SLC44A1: variants seen among roughly 807,000 people sequenced by gnomAD.
The protein encoded by SLC44A1 is choline transporter-like protein 1.
Under a neutral mutation model 79.3 loss-of-function variants are expected in SLC44A1, and 26 were observed. The ratio of observed to expected loss-of-function variants is 0.33; its 90% confidence interval spans 0.24 to 0.46. The LOEUF is 0.46. Among genes scored for constraint, SLC44A1 ranks in the 20% least tolerant of loss-of-function variants. The pLI, the probability that SLC44A1 is intolerant of heterozygous loss-of-function variation, is 1.00. For missense variants in SLC44A1, 688 were observed against 798.1 expected (o/e 0.86, Z 1.66); for synonymous variants, 263 against 286.2 (o/e 0.92, Z 0.82).
intron 1 of SLC44A1, among the ~76,000 whole-genome samples, chr9:105,263,512 AT>A (rs1829887076): frequency 6.9e-6 from 1 of 145,394 alleles, no homozygotes; most frequent in Admixed American, 6.9e-5. Context: ...TGTAATTTTT[AT>A]TTTTATCAGT....
intron 1 of SLC44A1, among the ~76,000 whole-genome samples, chr9:105,288,707 T>C (rs1313739232): frequency 6.6e-6 from 1 of 152,244 alleles, no homozygotes; most frequent in Non-Finnish European, 1.5e-5. Flanking sequence ...CAAATTACTT[T>C]CTAAAAGTGG....
intron 15 of SLC44A1, among the ~76,000 whole-genome samples, chr9:105,436,858 C>A (rs2131530367): frequency 6.6e-6 from 1 of 152,238 alleles, no homozygotes; most frequent in South Asian, 2.1e-4. Context: ...ATTCTTAGTG[C>A]CACATGTGAC....
intron 3 of SLC44A1, among the ~76,000 whole-genome samples, chr9:105,322,380 C>T (rs1826420764): frequency 6.6e-6 from 1 of 152,030 alleles, no homozygotes; most frequent in African/African-American, 2.4e-5. Flanking sequence ...TCAAAAGAAG[C>T]CGGAAGTCTG....
At chr9:105,267,555 TTG>T (rs926774182) in intron 1 of SLC44A1, among the ~76,000 whole-genome samples, 3 of 152,234 alleles carry the variant, frequency 2.0e-5, no homozygotes, top group African/African-American at 7.2e-5. Flanking sequence ...AGTATTTCTA[TTG>T]TGTTTTTATT....
At chr9:105,306,522 T>C (rs1190082739) in intron 2 of SLC44A1, among the ~76,000 whole-genome samples, 1 of 151,912 alleles carries the variant, frequency 6.6e-6, no homozygotes, top group Non-Finnish European at 1.5e-5. Context: ...CATGGTTTTT[T>C]CCCATCTTAT....
downstream of SLC44A1, among the ~76,000 whole-genome samples, chr9:105,400,554 T>G (rs1046381427): frequency 4.6e-5 from 7 of 152,144 alleles, no homozygotes; most frequent in Non-Finnish European, 1.0e-4. Flanking sequence ...GGCCAATTGT[T>G]GACATAGGTA....
chr9:105,265,512 A>G (rs1829941494), intron 1 of SLC44A1, among the ~76,000 whole-genome samples: 1 of 152,244 alleles, frequency 6.6e-6, no homozygotes, highest in South Asian at 2.1e-4. Context: ...ATATGAATAT[A>G]TCATAGTTTA....
At chr9:105,424,119 A>G (rs1342700145) in intron 15 of SLC44A1, among the ~76,000 whole-genome samples, 1 of 152,174 alleles carries the variant, frequency 6.6e-6, no homozygotes, top group African/African-American at 2.4e-5. Flanking sequence ...ATTAGATGCA[A>G]TCAGTACAAT....
rs1828748282 is a variant in SLC44A1, at chr9:105,390,860, A to G, written c.*1804A>G. On this transcript the variant is annotated 3_prime_UTR_variant, in exon 16 of 16. Transcript: ENST00000374720. Reference sequence around the variant, plus strand: ...CAACATTGCGAGAGTAGCTATTTTGAAAGAATAATTCTCCAGAAGTTAACA... The same window carrying G: ...CAACATTGCGAGAGTAGCTATTTTGGAAGAATAATTCTCCAGAAGTTAACA... The G allele has an allele frequency of 1.0e-6, 1 of 985,586 alleles. No individual in the cohort carries two copies. The highest frequency in any genetic ancestry group is 1.7e-5 in the African/African-American group (1 of 57,224). The allele number at this position is 985,586 out of a possible 1,614,324, so 61.1% of individuals were successfully genotyped here. A position where few individuals can be genotyped will look rare whatever the true frequency, so the allele number is the denominator to read the frequency against.
Position 105,393,682 on chromosome 9 carries a change from G to C in SLC44A1, c.*4626G>C, listed in dbSNP as rs1214849502. On this transcript the variant is annotated 3_prime_UTR_variant, in exon 16 of 16. Transcript: ENST00000374720. ...ACATGTAAAGACAAATGATGATTCA[G>C]TTTCAATATTGCATGAACAATTGCC... 3.0e-6 allele frequency: 3 copies of C among 984,404 alleles called. 1 individual carries two copies. Among genetic ancestry groups the C allele is most frequent in the African/African-American group, 1.7e-5 (1 of 57,202 alleles). The allele number at this position is 984,404 out of a possible 1,614,324, so 61.0% of individuals were successfully genotyped here. A position where few individuals can be genotyped will look rare whatever the true frequency, so the allele number is the denominator to read the frequency against.
intron 13 of SLC44A1, among the ~76,000 whole-genome samples, chr9:105,375,699 A>G (rs960730471): frequency 6.6e-6 from 1 of 152,182 alleles, no homozygotes; most frequent in Non-Finnish European, 1.5e-5. Flanking sequence ...CGAGACTTAT[A>G]CTTTCCTTAG....
Position 105,362,806 on chromosome 9 carries a change from A to G in SLC44A1, c.901-15A>G. ...ACTACTTATAATAATAACTGAAACC[A>G]TTCTCTCCATACAGGTGATCTTATT... On this transcript the variant is annotated splice_polypyrimidine_tract_variant and intron_variant, in intron 8 of 15. Coordinates refer to ENST00000374720, the MANE Select transcript of SLC44A1 (RefSeq NM_080546.5). 6.5e-7 allele frequency: 1 copy of G among 1,527,694 alleles called. No homozygotes were observed. Among genetic ancestry groups the G allele is most frequent in the Non-Finnish European group, 8.8e-7 (1 of 1,138,370 alleles). 94.6% of individuals were successfully genotyped at this position (1,527,694 alleles called of 1,614,324 possible).
chr9:105,368,015 G>C (rs185667228), intron 12 of SLC44A1, among the ~76,000 whole-genome samples: 112 of 152,234 alleles, frequency 7.4e-4, no homozygotes, highest in African/African-American at 2.6e-3. Flanking sequence ...GACTCAAAAA[G>C]ACTAACAGGG....
intron 1 of SLC44A1, among the ~76,000 whole-genome samples, chr9:105,264,348 G>A (rs115648828): frequency 0.01 from 1,543 of 152,162 alleles, 27 homozygotes; most frequent in African/African-American, 0.035. Context: ...AAATTATTTT[G>A]TAGAGATGAG....
exon 16 of SLC44A1, chr9:105,438,482 T>C: frequency 1.9e-6 from 1 of 518,336 alleles, no homozygotes; most frequent in South Asian, 3.5e-5. Context: ...GTCTAATAAA[T>C]AATCAAAAGC....
intron 15 of SLC44A1, among the ~76,000 whole-genome samples, chr9:105,428,848 G>A (rs998487481): frequency 1.3e-5 from 2 of 152,136 alleles, no homozygotes; most frequent in Non-Finnish European, 2.9e-5. Context: ...TGGGACTACA[G>A]GCACGCGCCA....
chr9:105,262,559 C>T (rs954563431), intron 1 of SLC44A1, among the ~76,000 whole-genome samples: 2 of 152,198 alleles, frequency 1.3e-5, no homozygotes, highest in African/African-American at 2.4e-5. Flanking sequence ...ATTCTTCTGT[C>T]GTTGTTGACT....
At chr9:105,352,671 C>T (rs1405956915) in intron 5 of SLC44A1, among the ~76,000 whole-genome samples, 3 of 152,054 alleles carry the variant, frequency 2.0e-5, no homozygotes, top group Non-Finnish European at 1.5e-5. Context: ...CAAAATGTGT[C>T]ATTTAGGTAA....
chr9:105,378,677 G>C (rs1329872366), intron 13 of SLC44A1, among the ~76,000 whole-genome samples: 2 of 152,150 alleles, frequency 1.3e-5, no homozygotes, highest in African/African-American at 4.8e-5. Context: ...AAGAGGAAGA[G>C]AAATCTTCTG....
Sources: allele counts gnomAD v4.1 joint callset (sites outside exome capture counted in the v4.1 genomes callset), GRCh38; gene constraint gnomAD v4.1.1; transcripts MANE v1.5; gene names NCBI Gene and HGNC (gene_info 2026-07-23, HGNC 2026-07-21).